The following COL4A6 variants were observed in gnomAD, a reference collection of about 807,000 sequenced individuals.
COL4A6 encodes the protein collagen alpha-6(IV) chain.
A neutral mutation model predicts 126.7 loss-of-function variants in COL4A6; 59 were observed. That is an observed-to-expected ratio of 0.47 (90% CI 0.38 to 0.58). COL4A6 has a LOEUF of 0.58. Among genes scored for constraint, COL4A6 ranks in the 20% least tolerant of loss-of-function variants. The pLI is 0.00. For missense variants in COL4A6, 1,285 were observed against 1,337.3 expected (o/e 0.96, Z 0.61); for synonymous variants, 547 against 496.6 (o/e 1.10, Z -1.35).
chrX:108,376,998 T>C (rs2040448606), intron 2 of COL4A6, among the ~76,000 whole-genome samples: 2 of 112,568 alleles, frequency 1.8e-5, no homozygotes, highest in African/African-American at 6.5e-5. Context: ...GCGTTCAGCA[T>C]AAGGGGGACC....
Position 108,161,631 on chromosome X carries a change from G to A in COL4A6, c.4321C>T (p.Pro1441Ser). The change falls in exon 42 of 45, where the codon CCA (proline) becomes TCA (serine). Residue 1441 changes from proline to serine, a missense_variant. Coordinates refer to ENST00000334504, the MANE Select transcript of COL4A6 (RefSeq NM_033641.4). ...GGCATCATCAGACCTTCAAATCCTG[G>A]AGGGCCTTGCAGTCCAGGCAGACCA... The part of the protein sequence containing the change: ...DPGLPGLQGP[P>S]GFEGAPGQQG... 3.5e-6 allele frequency: 4 copies of A among 1,151,608 alleles called. No individual in the cohort carries two copies. Among genetic ancestry groups the A allele is most frequent in the Non-Finnish European group, 4.6e-6 (4 of 866,702 alleles). The allele number at this position is 1,151,608 out of a possible 1,213,427, so 94.9% of individuals were successfully genotyped here.
intron 3 of COL4A6, among the ~76,000 whole-genome samples, chrX:108,231,576 G>T (rs868135085): frequency 8.9e-6 from 1 of 111,797 alleles, no homozygotes; most frequent in South Asian, 3.8e-4. Flanking sequence ...AATACAGAGA[G>T]ATTAAGGAAC....
chrX:108,161,778 G>T lies in COL4A6; in HGVS notation c.4217-43C>A, dbSNP rs776157527. On this transcript the variant is annotated intron_variant, in intron 41 of 44. Coordinates refer to ENST00000334504, the MANE Select transcript of COL4A6 (RefSeq NM_033641.4). The stretch of plus-strand genomic sequence containing the variant: ...CAAAGGAGGGTACTCAATGTAGAGG[G>T]TCCCCAGGCACCTTCCCCAGGAAAG... 16 of 918,078 alleles carry T rather than the reference G, an allele frequency of 1.7e-5. No homozygotes were observed. In the South Asian group the frequency reaches 2.9e-4, roughly 16 times the overall value. 75.7% of individuals were successfully genotyped at this position (918,078 alleles called of 1,213,427 possible).
At chrX:108,257,629 C>T (rs975363164) in intron 3 of COL4A6, among the ~76,000 whole-genome samples, 4 of 111,263 alleles carry the variant, frequency 3.6e-5, no homozygotes, top group African/African-American at 1.3e-4. Flanking sequence ...TTCTCTCCTC[C>T]ACAGAGGTTG....
chrX:108,227,040 G>C (rs1488161509), intron 3 of COL4A6, among the ~76,000 whole-genome samples: 2 of 111,450 alleles, frequency 1.8e-5, no homozygotes, highest in Non-Finnish European at 3.8e-5. Flanking sequence ...TATCTTTTGG[G>C]CTCTAACCAA....
rs2034076354 is a variant in COL4A6, at chrX:108,164,886, C to T, written c.3961G>A (p.Gly1321Arg). The T allele has an allele frequency of 8.3e-7, 1 of 1,202,113 alleles. No homozygotes were observed. Among genetic ancestry groups the T allele is most frequent in the Non-Finnish European group, 1.1e-6 (1 of 890,873 alleles). Reference protein sequence around the residue: ...PGFSGLPGELGLKGMRGEPGF... With the variant: ...PGFSGLPGELRLKGMRGEPGF... ...AGCCGAGCAGCCGTACCTTTCAGTCCTAGCTCTCCAGGGAGGCCAGAAAAA... is the reference window on the plus strand; with the variant it reads ...AGCCGAGCAGCCGTACCTTTCAGTCTTAGCTCTCCAGGGAGGCCAGAAAAA... The change falls in exon 39 of 45, where the codon GGA becomes AGA. Residue 1321 changes from glycine (G) to arginine (R), a missense_variant. Transcript: ENST00000334504.
At chrX:108,398,369 T>C (rs2041009914) in intron 2 of COL4A6, among the ~76,000 whole-genome samples, 1 of 108,533 alleles carries the variant, frequency 9.2e-6, no homozygotes, top group African/African-American at 3.6e-5. Flanking sequence ...TTTATGTGTG[T>C]CTGTGTGTTT....
rs780938346 is a variant in COL4A6 at position 108,211,757 on chromosome X, A to T, written c.442-17T>A. 3 of 1,182,608 alleles carry T rather than the reference A, an allele frequency of 2.5e-6. No individual in the cohort carries two copies. In the Admixed American group the frequency reaches 6.5e-5, roughly 26 times the overall value. Reference sequence around the variant, plus strand: ...AGGAAGCCCCTGAGTAAAATAGTTTAAAAAATTGAAGAAATACACACACTT... The same window carrying T: ...AGGAAGCCCCTGAGTAAAATAGTTTTAAAAATTGAAGAAATACACACACTT... On this transcript the variant is annotated splice_polypyrimidine_tract_variant and intron_variant, in intron 6 of 44. Transcript: ENST00000334504.
At chrX:108,266,636 T>C (rs2037309459) in intron 3 of COL4A6, among the ~76,000 whole-genome samples, 1 of 111,695 alleles carries the variant, frequency 9.0e-6, no homozygotes, top group Non-Finnish European at 1.9e-5. Context: ...ATGCTATAAA[T>C]AGCATATAAT....
At chrX:108,291,435 A>G (rs1255636297) in intron 3 of COL4A6, among the ~76,000 whole-genome samples, 1 of 112,495 alleles carries the variant, frequency 8.9e-6, no homozygotes, top group African/African-American at 3.2e-5. Context: ...CAAGTATTAA[A>G]CATTCTTCCA....
chrX:108,188,573 TAAGGCCTGG>T lies in COL4A6; in HGVS notation c.1522_1530del (p.Pro508_Leu510del). ...GAGCCTCGATCTCCTCTGGCTCCTT[TAAGGCCTGG>T]AAGGCCTATGAGACCCCATGGACCA... On this transcript the variant is annotated inframe_deletion, in exon 21 of 45. Transcript: ENST00000334504. The T allele has an allele frequency of 8.3e-7, 1 of 1,199,188 alleles. No homozygotes were observed. Among genetic ancestry groups the T allele is most frequent in the Non-Finnish European group, 1.1e-6 (1 of 889,342 alleles).
rs772266378 is a variant in COL4A6, at chrX:108,432,884, G to C, written c.63+5058C>G. On this transcript the variant is annotated intron_variant, in intron 2 of 44. Transcript: ENST00000334504. ...ACAAAACAAAATTAAAAAAAAACAAGGGGATAAAGAAGTATCAGAGTAACT... is the reference window on the plus strand; with the variant it reads ...ACAAAACAAAATTAAAAAAAAACAACGGGATAAAGAAGTATCAGAGTAACT... 2.7e-5 allele frequency among the ~76,000 whole-genome samples: 3 copies of C among 111,488 alleles called. No individual in the cohort carries two copies. In the South Asian group the frequency reaches 1.1e-3, roughly 43 times the overall value.
intron 2 of COL4A6, among the ~76,000 whole-genome samples, chrX:108,408,465 C>A (rs890562900): frequency 4.5e-5 from 5 of 111,314 alleles, no homozygotes; most frequent in Admixed American, 9.5e-5. Flanking sequence ...CTTATTAAAA[C>A]GACAAAAAAT....
chrX:108,207,499 A>T (rs1284375147), intron 8 of COL4A6, among the ~76,000 whole-genome samples: 1 of 111,740 alleles, frequency 8.9e-6, no homozygotes, highest in African/African-American at 3.3e-5. Flanking sequence ...ATAAAAATTT[A>T]AAAATAGGAT....
chrX:108,286,452 C>T (rs1489133985), intron 3 of COL4A6, among the ~76,000 whole-genome samples: 5 of 112,275 alleles, frequency 4.5e-5, no homozygotes, highest in Non-Finnish European at 9.4e-5. Context: ...ATAACTCTGA[C>T]ATTTTAGCTA....
intron 26 of COL4A6, 90 bp downstream of exon 26, chrX:108,179,127 A>G: frequency 1.1e-6 from 1 of 871,116 alleles, no homozygotes; most frequent in Non-Finnish European, 1.6e-6. Flanking sequence ...TTAAACCATC[A>G]CCCCAGATTC....
In COL4A6 at chrX:108,175,766, A is replaced by T. The variant is rs1344267587; in HGVS notation, c.2718T>A (p.Phe906Leu). ...TACCAGGCAGACCTGGTATTCCTGG[A>T]AAACCTACGAATCCAACAGACCCCT... ...GEKGSVGFVG[F>L]PGIPGLPGIP... is the part of the protein sequence containing the mutation. The change falls in exon 29 of 45, where the codon TTT becomes TTA. Residue 906 changes from phenylalanine to leucine, a missense_variant. Physicochemically the swap from Phe to Leu is conservative, Grantham distance 22. Coordinates refer to ENST00000334504, the MANE Select transcript of COL4A6 (RefSeq NM_033641.4). 1 of 1,196,532 alleles carries T rather than the reference A, an allele frequency of 8.4e-7. No homozygotes were observed.
intron 2 of COL4A6, among the ~76,000 whole-genome samples, chrX:108,425,086 A>T (rs2064048808): frequency 9.0e-6 from 1 of 111,228 alleles, no homozygotes; most frequent in Non-Finnish European, 1.9e-5. Context: ...AGTATGCACC[A>T]TTCAAATGGG....
At chrX:108,213,916 G>A (rs772264301) in intron 6 of COL4A6, 196 bp downstream of exon 6, 179 of 420,721 alleles carry the variant, frequency 4.3e-4, no homozygotes, top group Non-Finnish European at 6.8e-4. Flanking sequence ...AGTGTAGCAT[G>A]TGCACACCCC....
Sources: gnomAD v4.1 joint callset for allele counts (sites outside exome capture counted in the v4.1 genomes callset) on GRCh38, gnomAD v4.1.1 for gene constraint, MANE v1.5 for transcripts, NCBI Gene and HGNC (gene_info 2026-07-23, HGNC 2026-07-21) for gene names.